Variants in IMMP2L observed in about 807,000 individuals in gnomAD.
The protein encoded by IMMP2L is inner mitochondrial membrane peptidase subunit 2.
A neutral mutation model predicts 19.3 loss-of-function variants in IMMP2L; 18 were observed. The observed-to-expected ratio is 0.93, with a 90% CI of 0.64 to 1.38. The LOEUF is 1.38. Ranked by LOEUF, IMMP2L falls within the 40% of genes most tolerant of loss-of-function variation. The pLI is 0.00. For missense variants in IMMP2L, 233 were observed against 218.2 expected (o/e 1.07, Z -0.43); for synonymous variants, 76 against 73.0 (o/e 1.04, Z -0.21).
At chr7:111,529,142 G>A (rs575453151) in intron 1 of IMMP2L, among the ~76,000 whole-genome samples, 1 of 152,216 alleles carries the variant, frequency 6.6e-6, no homozygotes, top group South Asian at 2.1e-4. Context: ...CTCCCCAGAG[G>A]GACCTGTGAC....
rs1264908580 is a variant in IMMP2L, at chr7:111,556,040, A to ATATATATATATATATATG, written c.-3+5810_-3+5811insCATATATATATATATATA. Among the ~76,000 whole-genome samples, 675 of 139,354 alleles carry ATATATATATATATATATG rather than the reference A, an allele frequency of 4.8e-3. 43 individuals carry two copies. Among genetic ancestry groups the ATATATATATATATATATG allele is most frequent in the Non-Finnish European group, 8.2e-3 (520 of 63,728 alleles). 91.4% of individuals were successfully genotyped at this position (139,354 alleles called of 152,430 possible). On this transcript the variant is annotated intron_variant, in intron 1 of 5. Transcript: ENST00000405709. The stretch of plus-strand genomic sequence containing the variant: ...CATGTATATATATATATATATACAT[A>ATATATATATATATATATG]CCCAAAGAAAATGAAACCGCAACCT...
chr7:111,396,759 T>C (rs1270732992), intron 3 of IMMP2L, among the ~76,000 whole-genome samples: 1 of 152,162 alleles, frequency 6.6e-6, no homozygotes, highest in Admixed American at 6.5e-5. Flanking sequence ...CTGTAGTTTG[T>C]AACTTTTTCT....
At chr7:111,448,991 C>G (rs1398391512) in intron 3 of IMMP2L, among the ~76,000 whole-genome samples, 1 of 150,716 alleles carries the variant, frequency 6.6e-6, no homozygotes, top group Non-Finnish European at 1.5e-5. Context: ...CACATACACT[C>G]TCCCAAGACT....
Position 110,746,081 on chromosome 7 carries a change from G to GA in IMMP2L, c.409-82361dup, listed in dbSNP as rs1029693154. 4.0e-4 allele frequency among the ~76,000 whole-genome samples: 60 copies of GA among 148,922 alleles called. 1 individual carries two copies. The East Asian group carries it at 7.7e-3, about 19-fold the overall frequency. ...TATTTACCAAGCAAATGGAAAGAAA[G>GA]AAAAAAAAAGCAGGGGTTGCAATCC... On this transcript the variant is annotated intron_variant, in intron 5 of 5. Coordinates refer to ENST00000405709, the MANE Select transcript of IMMP2L (RefSeq NM_032549.4).
chr7:111,231,075 G>A (rs1813668003), intron 3 of IMMP2L, among the ~76,000 whole-genome samples: 1 of 150,436 alleles, frequency 6.6e-6, no homozygotes. Context: ...CAAAAAGAAA[G>A]CTTTTATAAT....
At chr7:111,507,852 T>G (rs577606675) in intron 2 of IMMP2L, among the ~76,000 whole-genome samples, 1 of 152,284 alleles carries the variant, frequency 6.6e-6, no homozygotes, top group East Asian at 1.9e-4. Flanking sequence ...AAGGCCAGGA[T>G]GCTTCATTTA....
Position 111,213,095 on chromosome 7 carries a change from T to G in IMMP2L, c.240-249530A>C, listed in dbSNP as rs575093559. On this transcript the variant is annotated intron_variant, in intron 3 of 5. Transcript: ENST00000405709. The surrounding 1 kb of genome is among the most constrained non-coding windows in gnomAD (Gnocchi z 4.8). Reference sequence around the variant, plus strand: ...AAGTGGCGGCTCCAAACCCAGGCATTTCTACACTCTTGGAGGCCAGGAAAG... The same window carrying G: ...AAGTGGCGGCTCCAAACCCAGGCATGTCTACACTCTTGGAGGCCAGGAAAG... Among the ~76,000 whole-genome samples, 116 of 152,284 alleles carry G rather than the reference T, an allele frequency of 7.6e-4. 2 individuals carry two copies. Among genetic ancestry groups the G allele is most frequent in the African/African-American group, 2.7e-3 (112 of 41,564 alleles).
rs1353305607 is a variant in IMMP2L, at chr7:111,508,280, T to A, written c.135+13033A>T. Among the ~76,000 whole-genome samples, 4 of 151,944 alleles carry A rather than the reference T, an allele frequency of 2.6e-5. No individual in the cohort carries two copies. In the East Asian group the frequency reaches 7.7e-4, roughly 29 times the overall value. On this transcript the variant is annotated intron_variant, in intron 2 of 5. Coordinates refer to ENST00000405709, the MANE Select transcript of IMMP2L (RefSeq NM_032549.4). ...GCTAAAAAGTATAAAACAGGCATTT[T>A]AAAAAATAAAATTAAAAAAGTTTAC...
At chr7:110,853,676 T>C (rs979690055) in intron 5 of IMMP2L, among the ~76,000 whole-genome samples, 3 of 152,068 alleles carry the variant, frequency 2.0e-5, no homozygotes, top group African/African-American at 7.2e-5. Flanking sequence ...CTATAATTTT[T>C]CTATTTTTCT....
chr7:111,499,514 T>C (rs749053626), intron 2 of IMMP2L, among the ~76,000 whole-genome samples: 3 of 152,084 alleles, frequency 2.0e-5, no homozygotes, highest in Non-Finnish European at 2.9e-5. Flanking sequence ...GTGCAGCTCA[T>C]CTCAAATCAG....
intron 3 of IMMP2L, among the ~76,000 whole-genome samples, chr7:111,354,431 T>A (rs1828491061): frequency 6.6e-6 from 1 of 151,660 alleles, no homozygotes; most frequent in Non-Finnish European, 1.5e-5. Flanking sequence ...CTTGACCAAC[T>A]GGAAATAGAC....
intron 3 of IMMP2L, among the ~76,000 whole-genome samples, chr7:111,470,317 T>G (rs1335547405): frequency 3.2e-4 from 48 of 151,894 alleles, no homozygotes; most frequent in Admixed American, 2.9e-3. Context: ...GTCACTGTGG[T>G]GATTCCTCAG....
chr7:111,099,383 T>C (rs919682826), intron 3 of IMMP2L, among the ~76,000 whole-genome samples: 12 of 151,760 alleles, frequency 7.9e-5, no homozygotes, highest in Admixed American at 1.3e-4. Context: ...TTCATCAATC[T>C]TCTTCAGTAT....
intron 5 of IMMP2L, among the ~76,000 whole-genome samples, chr7:110,782,594 A>G (rs1290055601): frequency 6.6e-6 from 1 of 151,738 alleles, no homozygotes; most frequent in African/African-American, 2.4e-5. Flanking sequence ...GGGCATGTTT[A>G]TTTGCATATA....
intron 3 of IMMP2L, among the ~76,000 whole-genome samples, chr7:111,414,906 ACTGGTGCACACACT>A (rs1307979407): frequency 6.6e-6 from 1 of 151,786 alleles, no homozygotes; most frequent in Non-Finnish European, 1.5e-5. Flanking sequence ...ATTCCTGCCC[ACTGGTGCACACACT>A]CTGAAGATTC....
At chr7:111,360,312 A>G (rs1255500966) in intron 3 of IMMP2L, among the ~76,000 whole-genome samples, 1 of 152,150 alleles carries the variant, frequency 6.6e-6, no homozygotes, top group Non-Finnish European at 1.5e-5. Flanking sequence ...CAGTGTCCCC[A>G]TAGTGTGCTC....
At chr7:110,904,306 A>T (rs1341980674) in intron 4 of IMMP2L, among the ~76,000 whole-genome samples, 1 of 152,134 alleles carries the variant, frequency 6.6e-6, no homozygotes, top group East Asian at 1.9e-4. Context: ...TTTTAGTGTC[A>T]TATCCATGAA....
intron 3 of IMMP2L, among the ~76,000 whole-genome samples, chr7:111,172,459 C>T (rs1385157849): frequency 6.6e-6 from 1 of 151,534 alleles, no homozygotes; most frequent in Non-Finnish European, 1.5e-5. Flanking sequence ...ATTCAGCTAT[C>T]TATCACCTCA....
chr7:111,241,698 T>C (rs888164722), intron 3 of IMMP2L, among the ~76,000 whole-genome samples: 2 of 151,084 alleles, frequency 1.3e-5, no homozygotes, highest in Non-Finnish European at 2.9e-5. Flanking sequence ...AAGTATAAAT[T>C]GTATATATAT....
Sources: gnomAD v4.1 joint callset for allele counts (sites outside exome capture counted in the v4.1 genomes callset) on GRCh38, gnomAD v4.1.1 for gene constraint, Gnocchi (gnomAD v3.1) non-coding constraint, MANE v1.5 for transcripts, NCBI Gene and HGNC (gene_info 2026-07-23, HGNC 2026-07-21) for gene names.